The following SUPT3H variants were observed in gnomAD, a reference collection of about 807,000 sequenced individuals.
SUPT3H encodes the protein transcription initiation protein SPT3 homolog.
Under a neutral mutation model 44.3 loss-of-function variants are expected in SUPT3H, and 44 were observed. That is an observed-to-expected ratio of 0.99 (90% CI 0.78 to 1.28). SUPT3H has a LOEUF of 1.28. Among genes scored for constraint, SUPT3H ranks in the 50% most tolerant of loss-of-function variants. The pLI, the probability that SUPT3H is intolerant of heterozygous loss-of-function variation, is 0.00. For synonymous variants in SUPT3H, 124 were observed against 125.6 expected (o/e 0.99, Z 0.09); for missense variants, 380 against 387.1 (o/e 0.98, Z 0.15).
chr6:44,860,552 G>A (rs908785462), intron 10 of SUPT3H, among the ~76,000 whole-genome samples: 7 of 152,196 alleles, frequency 4.6e-5, no homozygotes, highest in Admixed American at 3.3e-4. Flanking sequence ...CAGGTCTCCC[G>A]ACTCTTATTC....
intron 2 of SUPT3H, among the ~76,000 whole-genome samples, chr6:45,296,329 C>A (rs958688364): frequency 6.6e-6 from 1 of 151,730 alleles, no homozygotes; most frequent in Admixed American, 6.6e-5. Flanking sequence ...AACCAAACAT[C>A]GTTATTTTCT....
rs573419602 is a variant in SUPT3H at position 45,040,196 on chromosome 6, A to G, written c.187-19564T>C. ...ACCATAAACAATACATAAGTGAATG[A>G]GCATGGCTGTGTTCTGACAAAACTC... On this transcript the variant is annotated intron_variant, in intron 3 of 10. Transcript: ENST00000371459. 4.6e-5 allele frequency among the ~76,000 whole-genome samples: 7 copies of G among 152,350 alleles called. No individual in the cohort carries two copies. In the South Asian group the frequency reaches 1.2e-3, roughly 27 times the overall value.
intron 10 of SUPT3H, among the ~76,000 whole-genome samples, chr6:44,832,902 A>C (rs1769115953): frequency 6.6e-6 from 1 of 152,104 alleles, no homozygotes; most frequent in African/African-American, 2.4e-5. Context: ...GAAAACATTT[A>C]AATCCCATAG....
chr6:45,104,681 T>C (rs189567762), intron 3 of SUPT3H, among the ~76,000 whole-genome samples: 35 of 151,686 alleles, frequency 2.3e-4, no homozygotes, highest in Admixed American at 1.4e-3. Context: ...CCATTAACAA[T>C]AGCAACAAAG....
At chr6:44,887,672 A>C (rs1361269627) in intron 10 of SUPT3H, among the ~76,000 whole-genome samples, 1 of 151,726 alleles carries the variant, frequency 6.6e-6, no homozygotes, top group South Asian at 2.1e-4. Context: ...AGCAGGAAAG[A>C]TCCAAAATTG....
At position 45,020,548 on chromosome 6, in the gene SUPT3H, T is replaced by C; in HGVS notation, c.271A>G (p.Lys91Glu). The C allele has an allele frequency of 1.2e-6, 2 of 1,609,530 alleles. No individual in the cohort carries two copies. The highest frequency in any genetic ancestry group is 8.5e-7 in the Non-Finnish European group (1 of 1,176,890). The change falls in exon 4 of 11, where the codon AAG becomes GAG. Residue 91 changes from lysine to glutamate, a missense_variant and splice_region_variant. Coordinates refer to ENST00000371459, the MANE Select transcript of SUPT3H (RefSeq NM_003599.4). ...ACAATAAAATTATGTTATATTACCTTATCTTTGCGCATCAAAAACAGAAGA... is the reference window on the plus strand; with the variant it reads ...ACAATAAAATTATGTTATATTACCTCATCTTTGCGCATCAAAAACAGAAGA... ...EDLLFLMRKD[K>E]KKLRRLLKYM... is the part of the protein sequence containing the mutation.
At chr6:44,882,276 A>G (rs753636638) in intron 10 of SUPT3H, among the ~76,000 whole-genome samples, 1 of 152,200 alleles carries the variant, frequency 6.6e-6, no homozygotes, top group Non-Finnish European at 1.5e-5. Context: ...AATAAACTAG[A>G]AAATCCAGAA....
intron 9 of SUPT3H, among the ~76,000 whole-genome samples, chr6:44,940,670 C>T (rs976753517): frequency 6.6e-6 from 1 of 152,042 alleles, no homozygotes; most frequent in Non-Finnish European, 1.5e-5. Context: ...CTGTCTATCT[C>T]TTTAGGTCTA....
At chr6:45,189,079 G>A (rs1814725217) in intron 2 of SUPT3H, among the ~76,000 whole-genome samples, 1 of 151,990 alleles carries the variant, frequency 6.6e-6, no homozygotes, top group Non-Finnish European at 1.5e-5. Flanking sequence ...TGGGATTACA[G>A]GCATGAGCCA....
chr6:45,254,655 C>T (rs1372736362), intron 2 of SUPT3H, among the ~76,000 whole-genome samples: 1 of 152,122 alleles, frequency 6.6e-6, no homozygotes, highest in Non-Finnish European at 1.5e-5. Flanking sequence ...AATCACATGC[C>T]TTATTTTTAT....
chr6:44,895,134 T>A (rs936368962), intron 10 of SUPT3H, among the ~76,000 whole-genome samples: 3 of 152,058 alleles, frequency 2.0e-5, no homozygotes, highest in Non-Finnish European at 4.4e-5. Flanking sequence ...AATTGAACCA[T>A]AAGAAAGTCC....
intron 2 of SUPT3H, among the ~76,000 whole-genome samples, chr6:45,281,108 G>A (rs1408422879): frequency 1.3e-5 from 2 of 152,120 alleles, no homozygotes; most frequent in East Asian, 3.9e-4. Context: ...AAATTTATGA[G>A]GGGTGGAGAC....
At chr6:44,840,320 T>C (rs763569493) in intron 10 of SUPT3H, among the ~76,000 whole-genome samples, 6 of 152,060 alleles carry the variant, frequency 3.9e-5, no homozygotes, top group Admixed American at 6.5e-5. Context: ...CCAGTCCAAT[T>C]GGTGGTGGGA....
chr6:44,843,933 A>ACGCG lies in SUPT3H; in HGVS notation c.913-14077_913-14076insCGCG, dbSNP rs1771434298. Among the ~76,000 whole-genome samples, 33 of 38,154 alleles carry ACGCG rather than the reference A, an allele frequency of 8.6e-4. No homozygotes were observed. The South Asian group carries it at 0.038, about 44-fold the overall frequency. 25.0% of individuals were successfully genotyped at this position (38,154 alleles called of 152,430 possible). A position where few individuals can be genotyped will look rare whatever the true frequency, so the allele number is the denominator to read the frequency against. The stretch of plus-strand genomic sequence containing the variant: ...CACACACACACACACACACGCACAC[A>ACGCG]CACACACACACACACACACACACAC... On this transcript the variant is annotated intron_variant, in intron 10 of 10. Transcript: ENST00000371459.
chr6:45,370,560 AG>A (rs1795888886), intron 1 of SUPT3H, among the ~76,000 whole-genome samples: 1 of 152,212 alleles, frequency 6.6e-6, no homozygotes, highest in African/African-American at 2.4e-5. Context: ...TCAATATAAT[AG>A]AACTTTGTAT....
At position 45,140,029 on chromosome 6, in the gene SUPT3H, G is replaced by A. The variant is rs540725136; in HGVS notation, c.102-34023C>T. 1.8e-3 allele frequency among the ~76,000 whole-genome samples: 277 copies of A among 152,190 alleles called. 1 individual carries two copies. The highest frequency in any genetic ancestry group is 6.2e-3 in the African/African-American group (256 of 41,514). On this transcript the variant is annotated intron_variant, in intron 2 of 10. Transcript: ENST00000371459. ...TCAGACTGGGGCAAGGTCTGAGCGG[G>A]GTACTATGGGAACAAGACCAGCCTC...
chr6:45,348,394 C>T (rs560814736), intron 2 of SUPT3H, among the ~76,000 whole-genome samples: 1 of 151,750 alleles, frequency 6.6e-6, no homozygotes, highest in South Asian at 2.1e-4. Context: ...TAGCCAGGCA[C>T]GGTGGCTCAC....
At chr6:44,868,291 T>C (rs921808294) in intron 10 of SUPT3H, among the ~76,000 whole-genome samples, 2 of 152,212 alleles carry the variant, frequency 1.3e-5, no homozygotes, top group African/African-American at 4.8e-5. Flanking sequence ...ATTTGGACCA[T>C]GCTGGAAGCA....
chr6:45,328,618 C>A, intron 2 of SUPT3H: 1 of 1,608,266 alleles, frequency 6.2e-7, no homozygotes, highest in Non-Finnish European at 8.5e-7. Context: ...TCCAGGCATA[C>A]TGTAAAACTA....
Sources: gnomAD v4.1 joint callset for allele counts (sites outside exome capture counted in the v4.1 genomes callset) on GRCh38, gnomAD v4.1.1 for gene constraint, MANE v1.5 for transcripts, NCBI Gene and HGNC (gene_info 2026-07-23, HGNC 2026-07-21) for gene names.